DESI2: variants seen among roughly 807,000 people sequenced by gnomAD.
DESI2 encodes deubiquitinase DESI2.
A neutral mutation model predicts 24.1 loss-of-function variants in DESI2; 10 were observed. That is an observed-to-expected ratio of 0.41 (90% CI 0.26 to 0.70). The LOEUF (loss-of-function observed/expected upper bound fraction) is 0.70. DESI2 is among the 30% of genes least tolerant of loss of function. The pLI is 0.29. For missense variants in DESI2, 122 were observed against 234.9 expected, an observed-to-expected ratio of 0.52 and a Z score of 3.14; for synonymous variants, 71 against 87.7, an observed-to-expected ratio of 0.81 and a Z score of 1.06.
At chr1:244,659,112 T>C (rs911948604) in intron 1 of DESI2, among the ~76,000 whole-genome samples, 9 of 151,100 alleles carry the variant, frequency 6.0e-5, no homozygotes, top group Non-Finnish European at 1.3e-4. Context: ...TAGTGACCCA[T>C]GAGTCTAGCT....
chr1:244,688,846 T>C (rs1457616815), intron 2 of DESI2, among the ~76,000 whole-genome samples: 1 of 152,220 alleles, frequency 6.6e-6, no homozygotes, highest in Non-Finnish European at 1.5e-5. Flanking sequence ...AACTCACTGT[T>C]ACTAGACAGT....
chr1:244,692,208 T>C (rs1169198747), intron 4 of DESI2, among the ~76,000 whole-genome samples, 188 bp downstream of exon 4: 2 of 152,198 alleles, frequency 1.3e-5, no homozygotes, highest in South Asian at 2.1e-4. Flanking sequence ...TCCGCAGTTT[T>C]AAATGGTAAT....
Position 244,678,835 on chromosome 1 carries a change from C to T in DESI2, c.43-7762C>T, listed in dbSNP as rs140517363. 2.6e-5 allele frequency among the ~76,000 whole-genome samples: 4 copies of T among 152,272 alleles called. No homozygotes were observed. In the East Asian group the frequency reaches 7.7e-4, roughly 29 times the overall value. On this transcript the variant is annotated intron_variant, in intron 1 of 4. Coordinates refer to ENST00000302550, the MANE Select transcript of DESI2 (RefSeq NM_016076.5). ...AGCCGCCTGCATCCGGAACAGAAACCTTTTGGTGCTGTCGTTAAGGAAATC... is the reference window on the plus strand; with the variant it reads ...AGCCGCCTGCATCCGGAACAGAAACTTTTTGGTGCTGTCGTTAAGGAAATC...
chr1:244,686,131 CAT>C (rs1291170552), intron 1 of DESI2, among the ~76,000 whole-genome samples: 2 of 152,106 alleles, frequency 1.3e-5, no homozygotes, highest in Non-Finnish European at 2.9e-5. Context: ...AATCAGGACA[CAT>C]GATACATGCC....
chr1:244,691,785 G>A (rs766150136), intron 3 of DESI2, 94 bp from the exon 4 acceptor site: 86 of 975,080 alleles, frequency 8.8e-5, no homozygotes, highest in Middle Eastern at 3.4e-4. Flanking sequence ...AATATTCCTG[G>A]AAATAAGCAA....
intron 1 of DESI2, among the ~76,000 whole-genome samples, chr1:244,658,445 CTT>C (rs1353399817): frequency 2.0e-5 from 3 of 152,210 alleles, no homozygotes; most frequent in Admixed American, 6.5e-5. Flanking sequence ...GTAGCTTAGT[CTT>C]TATTCCTGAG....
chr1:244,666,537 T>G (rs988607912), intron 1 of DESI2, among the ~76,000 whole-genome samples: 2 of 152,220 alleles, frequency 1.3e-5, no homozygotes, highest in African/African-American at 4.8e-5. Flanking sequence ...TGTATCGTGT[T>G]CTCAAGCTGA....
intron 3 of DESI2, 145 bp from the exon 4 acceptor site, chr1:244,691,734 T>G (rs1263242818): frequency 3.2e-6 from 2 of 622,704 alleles, no homozygotes; most frequent in Admixed American, 3.8e-5. Flanking sequence ...TGTTTCACTT[T>G]TAGTCTTGTT....
chr1:244,683,321 T>C (rs1676684197), intron 1 of DESI2, among the ~76,000 whole-genome samples: 1 of 152,090 alleles, frequency 6.6e-6, no homozygotes, highest in African/African-American at 2.4e-5. Flanking sequence ...ATTACTTTTT[T>C]CTTTTTTTGA....
intron 4 of DESI2, among the ~76,000 whole-genome samples, chr1:244,699,913 A>G (rs1029396857): frequency 4.6e-5 from 7 of 152,190 alleles, no homozygotes; most frequent in African/African-American, 9.7e-5. Flanking sequence ...GCTCAAACCT[A>G]TGAGAGCAGG....
chr1:244,672,313 C>T (rs887447154), intron 1 of DESI2, among the ~76,000 whole-genome samples: 13 of 152,054 alleles, frequency 8.5e-5, no homozygotes, highest in African/African-American at 3.1e-4. Flanking sequence ...TTAAAAGAGC[C>T]GGGACCTCCC....
intron 4 of DESI2, among the ~76,000 whole-genome samples, chr1:244,698,604 G>A (rs1677309459): frequency 6.6e-6 from 1 of 152,216 alleles, no homozygotes; most frequent in South Asian, 2.1e-4. Context: ...TAGTTGCTTG[G>A]ACTTGACGCT....
At chr1:244,683,176 G>T (rs1676678622) in intron 1 of DESI2, among the ~76,000 whole-genome samples, 1 of 152,188 alleles carries the variant, frequency 6.6e-6, no homozygotes, top group African/African-American at 2.4e-5. Flanking sequence ...CAGATATGGA[G>T]GTGATCAGAT....
chr1:244,662,164 G>A (rs896870282), intron 1 of DESI2, among the ~76,000 whole-genome samples: 3 of 152,186 alleles, frequency 2.0e-5, no homozygotes, highest in Non-Finnish European at 4.4e-5. Context: ...GGCCAGTGAT[G>A]AGCATTTTTT....
Position 244,689,410 on chromosome 1 carries a change from T to G in DESI2, c.209+68T>G. 1.4e-6 allele frequency: 1 copy of G among 722,906 alleles called. No homozygotes were observed. Among genetic ancestry groups the G allele is most frequent in the South Asian group, 1.8e-5 (1 of 54,180 alleles). 44.8% of individuals were successfully genotyped at this position (722,906 alleles called of 1,614,324 possible). A position where few individuals can be genotyped will look rare whatever the true frequency, so the allele number is the denominator to read the frequency against. On this transcript the variant is annotated intron_variant, in intron 3 of 4. Coordinates refer to ENST00000302550, the MANE Select transcript of DESI2 (RefSeq NM_016076.5). The surrounding 1 kb of genome is among the most constrained non-coding windows in gnomAD (Gnocchi z 4.0). ...ATAGCTTGTTTTCAGGTATACAGAA[T>G]TCATTCTGTAAATCAAAACAAACCC...
chr1:244,671,585 G>A (rs1173927533), intron 1 of DESI2, among the ~76,000 whole-genome samples: 1 of 152,088 alleles, frequency 6.6e-6, no homozygotes, highest in African/African-American at 2.4e-5. Flanking sequence ...GGATAAAAAT[G>A]TCGTGGATTA....
intron 4 of DESI2, among the ~76,000 whole-genome samples, chr1:244,700,425 T>C (rs1677402079): frequency 6.6e-6 from 1 of 152,184 alleles, no homozygotes; most frequent in African/African-American, 2.4e-5. Context: ...CTCTTCAAGT[T>C]GGCTCATAAG....
intron 1 of DESI2, among the ~76,000 whole-genome samples, chr1:244,681,755 T>A (rs1168627138): frequency 6.6e-6 from 1 of 152,262 alleles, no homozygotes; most frequent in African/African-American, 2.4e-5. Flanking sequence ...GACAGAATAC[T>A]GTATTCAGAA....
At chr1:244,657,082 T>C (rs1675673431) in intron 1 of DESI2, among the ~76,000 whole-genome samples, 1 of 152,246 alleles carries the variant, frequency 6.6e-6, no homozygotes, top group Non-Finnish European at 1.5e-5. Flanking sequence ...CAGTACCAAT[T>C]TTATTATAAA....
Sources: allele counts gnomAD v4.1 joint callset (sites outside exome capture counted in the v4.1 genomes callset), GRCh38; gene constraint gnomAD v4.1.1; non-coding constraint Gnocchi (gnomAD v3.1); transcripts MANE v1.5; gene names NCBI Gene and HGNC (gene_info 2026-07-23, HGNC 2026-07-21).